ADNP: variants seen among roughly 807,000 people sequenced by gnomAD.
ADNP encodes the protein activity dependent neuroprotector homeobox, also known as activity-dependent neuroprotector homeobox protein.
Under a neutral mutation model 84.9 loss-of-function variants are expected in ADNP, and 4 were observed. The ratio of observed to expected loss-of-function variants is 0.05; its 90% CI spans 0.02 to 0.11. The LOEUF (loss-of-function observed/expected upper bound fraction) is 0.11, where lower values mean the gene tolerates loss of function less well. Among genes scored for constraint, ADNP ranks in the 10% least tolerant of loss-of-function variants. The pLI, the probability that ADNP is intolerant of heterozygous loss-of-function variation, is 1.00. For synonymous variants in ADNP, 554 were observed against 468.1 expected, an observed-to-expected ratio of 1.18 and a Z score of -2.37; for missense variants, 1,132 against 1,326.0, an observed-to-expected ratio of 0.85 and a Z score of 2.27.
intron 4 of ADNP, 75 bp downstream of exon 4, chr20:50,903,814 C>T: frequency 9.3e-7 from 1 of 1,072,438 alleles, no homozygotes. Context: ...AAGATTTAGC[C>T]ATCTTGGCCA....
chr20:50,891,697 G>A lies in ADNP; in HGVS notation c.3017C>T (p.Ala1006Val), dbSNP rs762039872. Residue 1006 changes from alanine to valine, a missense_variant, in exon 6 of 6, where the codon GCA becomes GTA. Ala to Val is a moderately conservative substitution (Grantham distance 64). Coordinates refer to ENST00000621696, the MANE Select transcript of ADNP (RefSeq NM_001282531.3). ...WSDESSQSED[A>V]RSSKPAAKKK... is the part of the protein sequence containing the mutation. ...TTTGGCAGCTGGCTTACTGCTCCTT[G>A]CATCTTCGCTTTGGGAAGACTCGTC... 3 of 1,613,950 alleles carry A rather than the reference G, an allele frequency of 1.9e-6. No homozygotes were observed. Among genetic ancestry groups the A allele is most frequent in the African/African-American group, 1.3e-5 (1 of 74,868 alleles).
Position 50,891,891 on chromosome 20 carries a change from C to T in ADNP, c.2823G>A (p.Leu941=). 6.2e-7 allele frequency: 1 copy of T among 1,614,198 alleles called. No individual in the cohort carries two copies. The highest frequency in any genetic ancestry group is 8.5e-7 in the Non-Finnish European group (1 of 1,180,036). Residue 941 remains leucine (L), a synonymous_variant, in exon 6 of 6, where the codon TTG becomes TTA. Transcript: ENST00000621696. ...GCATTAGTTTGGTTGGTTCCTCAGT[C>T]AAATGAATAGTTTCGTATTTTGAAC... ...EDGSKYETIH[L]TEEPTKLMHN...
rs1295580784 is a variant in ADNP, at chr20:50,891,781, G to A, written c.2933C>T (p.Ser978Phe). The change falls in exon 6 of 6, where the codon TCC becomes TTC. Residue 978 changes from serine (S) to phenylalanine (F), a missense_variant. Coordinates refer to ENST00000621696, the MANE Select transcript of ADNP (RefSeq NM_001282531.3). Reference protein sequence around the residue: ...GASPSESGPGSQQVSDFEDNT... With the variant: ...GASPSESGPGFQQVSDFEDNT... ...GTCCTCAAAGTCTGACACTTGTTGG[G>A]ATCCAGGCCCACTCTCAGATGGAGA... 9 of 1,614,112 alleles carry A rather than the reference G, an allele frequency of 5.6e-6. No individual in the cohort carries two copies. The East Asian group carries it at 1.6e-4, about 28-fold the overall frequency.
rs755893677 is a variant in ADNP, at chr20:50,902,046, G to A, written c.172C>T (p.Leu58=). The change falls in exon 5 of 6, where the codon CTG becomes TTG. Residue 58 remains leucine, a synonymous_variant. Coordinates refer to ENST00000621696, the MANE Select transcript of ADNP (RefSeq NM_001282531.3). ...TTTTTCGTAAGTGATGGGTCCCACAGTCCTACATCCTCCCATGTAGTGTTT... is the reference window on the plus strand; with the variant it reads ...TTTTTCGTAAGTGATGGGTCCCACAATCCTACATCCTCCCATGTAGTGTTT... ...LKNTTWEDVG[L]WDPSLTKNQD... 15 of 1,613,816 alleles carry A rather than the reference G, an allele frequency of 9.3e-6. No homozygotes were observed. The highest frequency in any genetic ancestry group is 1.3e-5 in the Non-Finnish European group (15 of 1,179,828).
rs546677173 is a variant in ADNP, at chr20:50,913,616, C to T, written c.-89-8767G>A. Reference sequence around the variant, plus strand: ...AGCATCAGTTAACTGCTACCTGTGACGATAATTTTATTTATTTAAAGAACA... The same window carrying T: ...AGCATCAGTTAACTGCTACCTGTGATGATAATTTTATTTATTTAAAGAACA... On this transcript the variant is annotated intron_variant, in intron 2 of 5. Coordinates refer to ENST00000621696, the MANE Select transcript of ADNP (RefSeq NM_001282531.3). 8.6e-4 allele frequency: 145 copies of T among 168,740 alleles called. 2 individuals are homozygous for T. The highest frequency in any genetic ancestry group is 7.8e-4 in the Non-Finnish European group (61 of 77,958). The allele number at this position is 168,740 out of a possible 1,614,324, so 10.5% of individuals were successfully genotyped here.
At chr20:50,927,134 A>C (rs1004586112) in intron 2 of ADNP, among the ~76,000 whole-genome samples, 1 of 152,150 alleles carries the variant, frequency 6.6e-6, no homozygotes, top group Admixed American at 6.5e-5. Flanking sequence ...CCATCTGTTC[A>C]AGGTTGTGAA....
intron 2 of ADNP, among the ~76,000 whole-genome samples, chr20:50,915,498 T>C (rs2122935053): frequency 6.6e-6 from 1 of 152,350 alleles, no homozygotes; most frequent in Non-Finnish European, 1.5e-5. Flanking sequence ...TCAATCTTTT[T>C]CTAAAATACA....
At chr20:50,916,027 A>G (rs1032880780) in intron 2 of ADNP, among the ~76,000 whole-genome samples, 1 of 152,214 alleles carries the variant, frequency 6.6e-6, no homozygotes, top group African/African-American at 2.4e-5. Context: ...TTTGATAATA[A>G]AAGATAACCA....
chr20:50,904,923 C>G (rs1362162084), intron 2 of ADNP, 74 bp from the exon 3 acceptor site: 2 of 152,028 alleles, frequency 1.3e-5, no homozygotes, highest in Non-Finnish European at 2.9e-5. Context: ...AAACTAAATA[C>G]AGTAATGATA....
chr20:50,923,284 G>GA (rs1984076015), intron 2 of ADNP, among the ~76,000 whole-genome samples: 1 of 152,074 alleles, frequency 6.6e-6, no homozygotes, highest in Non-Finnish European at 1.5e-5. Flanking sequence ...ATGCTCTACC[G>GA]AAACTACTCA....
chr20:50,906,316 A>G (rs1332007691), intron 2 of ADNP, among the ~76,000 whole-genome samples: 3 of 152,264 alleles, frequency 2.0e-5, no homozygotes, highest in Admixed American at 2.0e-4. Flanking sequence ...TCACAGGCTA[A>G]TTCTGAAGAA....
chr20:50,921,784 A>G (rs539824020), intron 2 of ADNP, among the ~76,000 whole-genome samples: 2 of 152,354 alleles, frequency 1.3e-5, no homozygotes, highest in South Asian at 2.1e-4. Flanking sequence ...TCATCAATTT[A>G]AGAGTTCACC....
chr20:50,914,900 G>GT (rs1224243963), intron 2 of ADNP, among the ~76,000 whole-genome samples: 1 of 151,998 alleles, frequency 6.6e-6, no homozygotes, highest in Non-Finnish European at 1.5e-5. Context: ...GAATATTTAC[G>GT]TATTTCAGTG....
intron 5 of ADNP, among the ~76,000 whole-genome samples, chr20:50,900,038 G>A (rs1425128872): frequency 6.6e-6 from 1 of 152,130 alleles, no homozygotes; most frequent in Non-Finnish European, 1.5e-5. Context: ...TACTTTTTAT[G>A]TAGCCTAAGT....
rs767446629 is a variant in ADNP, at chr20:50,892,137, A to C, written c.2577T>G (p.Ser859Arg). The C allele has an allele frequency of 6.2e-7, 1 of 1,614,180 alleles. No individual in the cohort carries two copies. Among genetic ancestry groups the C allele is most frequent in the South Asian group, 1.1e-5 (1 of 91,082 alleles). The stretch of plus-strand genomic sequence containing the variant: ...GGTTGAGCTTTTTGTCAGCAGTCTT[A>C]CTAGCATTGACTCTGGAATCCTTCT... Reference protein sequence around the residue: ...HDEKDSRVNASKTADKKLNLG... With the variant: ...HDEKDSRVNARKTADKKLNLG... The change falls in exon 6 of 6, where the codon AGT becomes AGG. Residue 859 changes from serine (S) to arginine (R), a missense_variant. Physicochemically the swap from Ser to Arg is moderately radical, Grantham distance 110. This residue lies in a region of ADNP where 381 missense variants were observed against 319.9 expected (regional missense o/e 1.19). Transcript: ENST00000621696.
rs1208943306 is a variant in ADNP, at chr20:50,891,804, A to G, written c.2910T>C (p.Ser970=). 1 of 1,614,188 alleles carries G rather than the reference A, an allele frequency of 6.2e-7. No homozygotes were observed. The highest frequency in any genetic ancestry group is 1.3e-5 in the African/African-American group (1 of 75,062). The part of the protein sequence containing the change: ...DDVVEWKDGA[S]PSESGPGSQQ... ...GGGATCCAGGCCCACTCTCAGATGG[A>G]GAAGCACCGTCTTTCCACTCAACAA... The change falls in exon 6 of 6, where the codon TCT becomes TCC. Residue 970 remains serine (S), a synonymous_variant. Coordinates refer to ENST00000621696, the MANE Select transcript of ADNP (RefSeq NM_001282531.3).
At chr20:50,914,443 C>A in intron 2 of ADNP, 1 of 446,562 alleles carries the variant, frequency 2.2e-6, no homozygotes, top group Non-Finnish European at 4.2e-6. Context: ...GATGCTGTCC[C>A]CAGTGTCCTG....
chr20:50,891,612 T>G lies in ADNP; in HGVS notation c.3102A>C (p.Gly1034=). The G allele has an allele frequency of 6.2e-7, 1 of 1,614,006 alleles. No homozygotes were observed. Among genetic ancestry groups the G allele is most frequent in the Non-Finnish European group, 8.5e-7 (1 of 1,180,036 alleles). ...CCTTAGACCAAAACCCTTCAACTTTTCCATAGGAACTATTCTTCCATTTCA... is the reference window on the plus strand; with the variant it reads ...CCTTAGACCAAAACCCTTCAACTTTGCCATAGGAACTATTCTTCCATTTCA... ...EQLKWKNSSY[G]KVEGFWSKDQ... is the part of the protein sequence containing the mutation. The change falls in exon 6 of 6, where the codon GGA becomes GGC. Residue 1034 remains glycine (G), a synonymous_variant. Transcript: ENST00000621696.
chr20:50,930,011 C>CGCGAT (rs1984564049), intron 1 of ADNP, among the ~76,000 whole-genome samples: 1 of 151,686 alleles, frequency 6.6e-6, no homozygotes, highest in Non-Finnish European at 1.5e-5. Flanking sequence ...GAAGCAATCG[C>CGCGAT]GCCTTTTCCA....
Sources: allele counts gnomAD v4.1 joint callset (sites outside exome capture counted in the v4.1 genomes callset), GRCh38; gene constraint gnomAD v4.1.1; regional missense constraint gnomAD v4.1.1; transcripts MANE v1.5; gene names NCBI Gene and HGNC (gene_info 2026-07-23, HGNC 2026-07-21).